The following FOCAD variants were observed in gnomAD, a reference collection of about 807,000 sequenced individuals.
The protein encoded by FOCAD is KIAA1797.
In FOCAD, 198 loss-of-function variants were observed where a neutral mutation model predicts 225.6. That is an observed-to-expected ratio of 0.88 (90% CI 0.78 to 0.99). The LOEUF is 0.99. Ranked by LOEUF, FOCAD falls within the 50% of genes least tolerant of loss-of-function variation. FOCAD has a pLI of 0.00. For missense variants in FOCAD, 2,713 were observed against 2,123.6 expected, an observed-to-expected ratio of 1.28 and a Z score of -5.46; for synonymous variants, 897 against 755.0, an observed-to-expected ratio of 1.19 and a Z score of -3.08.
At chr9:20,798,836 GTC>G (rs1324876313) in intron 11 of FOCAD, among the ~76,000 whole-genome samples, 2 of 152,000 alleles carry the variant, frequency 1.3e-5, no homozygotes, top group South Asian at 4.2e-4. Context: ...GGTTTTTTGT[GTC>G]TCTATTTCCT....
chr9:20,834,353 A>G (rs1825791808), intron 15 of FOCAD, among the ~76,000 whole-genome samples: 1 of 152,052 alleles, frequency 6.6e-6, no homozygotes, highest in Non-Finnish European at 1.5e-5. Flanking sequence ...TGTTGGGCTT[A>G]ATACCTAGGT....
At chr9:20,693,928 C>G (rs960650772) in intron 1 of FOCAD, among the ~76,000 whole-genome samples, 1 of 152,186 alleles carries the variant, frequency 6.6e-6, no homozygotes, top group African/African-American at 2.4e-5. Flanking sequence ...CCAGGCCAGT[C>G]TCGAACTCTT....
In FOCAD at chr9:20,820,922, T is replaced by A. The variant is rs370652507; in HGVS notation, c.1663-19T>A. ...ACTCAAGTTGGGAAACTACCTTTTT[T>A]GTAAAATTGCCTTCGTAGGACCGAG... On this transcript the variant is annotated intron_variant, in intron 13 of 43. Coordinates refer to ENST00000338382, the MANE Select transcript of FOCAD (RefSeq NM_001375567.1). 11 of 1,604,378 alleles carry A rather than the reference T, an allele frequency of 6.9e-6. No individual in the cohort carries two copies. In the African/African-American group the frequency reaches 1.5e-4, roughly 22 times the overall value.
intron 20 of FOCAD, among the ~76,000 whole-genome samples, chr9:20,883,198 C>T (rs555914349): frequency 6.6e-6 from 1 of 152,304 alleles, no homozygotes; most frequent in South Asian, 2.1e-4. Flanking sequence ...AGAAGTCACT[C>T]TCTTTGGAAA....
At chr9:20,692,456 C>T (rs574000770) in intron 1 of FOCAD, among the ~76,000 whole-genome samples, 37 of 152,146 alleles carry the variant, frequency 2.4e-4, no homozygotes, top group Non-Finnish European at 5.1e-4. Flanking sequence ...GCAGTAGCCT[C>T]TATATTAGTT....
chr9:20,807,561 A>G (rs925447764), intron 11 of FOCAD, among the ~76,000 whole-genome samples: 1 of 152,240 alleles, frequency 6.6e-6, no homozygotes, highest in East Asian at 1.9e-4. Context: ...TTACTGAAGT[A>G]TGTTATATAT....
intron 5 of FOCAD, among the ~76,000 whole-genome samples, chr9:20,742,883 C>T (rs1333430526): frequency 1.3e-5 from 2 of 152,102 alleles, no homozygotes; most frequent in African/African-American, 4.8e-5. Flanking sequence ...ATACGTGGCA[C>T]ATTAAGAGGT....
intron 35 of FOCAD, among the ~76,000 whole-genome samples, chr9:20,973,385 CTTT>C (rs1193012099): frequency 6.9e-6 from 1 of 144,378 alleles, no homozygotes. Context: ...CTTTCTGCAG[CTTT>C]TTTTTTTTTT....
At chr9:20,937,251 A>G (rs1836075896) in intron 28 of FOCAD, among the ~76,000 whole-genome samples, 1 of 150,708 alleles carries the variant, frequency 6.6e-6, no homozygotes, top group African/African-American at 2.4e-5. Flanking sequence ...ATGGAACCAA[A>G]AAAGAGCCCA....
chr9:20,732,450 G>C (rs1826793903), intron 4 of FOCAD, among the ~76,000 whole-genome samples: 1 of 152,208 alleles, frequency 6.6e-6, no homozygotes, highest in African/African-American at 2.4e-5. Flanking sequence ...TGGCTGTTAA[G>C]ATGGCCTGAA....
At chr9:20,700,642 G>A (rs1235961935) in intron 1 of FOCAD, among the ~76,000 whole-genome samples, 2 of 151,674 alleles carry the variant, frequency 1.3e-5, no homozygotes, top group African/African-American at 4.8e-5. Flanking sequence ...TGGACATAAA[G>A]TTGTTTAAAC....
At chr9:20,759,609 G>C (rs201517285) in intron 6 of FOCAD, among the ~76,000 whole-genome samples, 252 of 152,018 alleles carry the variant, frequency 1.7e-3, no homozygotes, top group East Asian at 6.6e-3. Flanking sequence ...CATAAAAACC[G>C]TAGAAGAAAA....
chr9:20,682,453 C>G (rs771057121), upstream of FOCAD, among the ~76,000 whole-genome samples: 2 of 152,182 alleles, frequency 1.3e-5, no homozygotes, highest in Admixed American at 6.5e-5. Flanking sequence ...ACTTGCTGTA[C>G]TTCAGGTTCC....
chr9:20,954,884 C>T (rs1398041985), intron 35 of FOCAD, among the ~76,000 whole-genome samples: 1 of 152,186 alleles, frequency 6.6e-6, no homozygotes, highest in East Asian at 1.9e-4. Flanking sequence ...CCTCCGCCTC[C>T]AAAGCCCATT....
At chr9:20,940,689 A>C (rs114586817) in intron 28 of FOCAD, among the ~76,000 whole-genome samples, 3,710 of 152,294 alleles carry the variant, frequency 0.024, 144 homozygotes, top group African/African-American at 0.082. Flanking sequence ...TCCATGTCAC[A>C]ACCTAAACAT....
Position 20,828,794 on chromosome 9 carries a change from C to T in FOCAD, c.1920+5679C>T, listed in dbSNP as rs181725335. Among the ~76,000 whole-genome samples the T allele has an allele frequency of 7.7e-4, 117 of 152,050 alleles. 1 individual carries two copies. Among genetic ancestry groups the T allele is most frequent in the Non-Finnish European group, 1.3e-3 (90 of 68,002 alleles). ...CCTAATGCTCTCTCTCCCCGCAACC[C>T]CTCCCCTGACAGTTCTTGGTATGTG... On this transcript the variant is annotated intron_variant, in intron 15 of 43. Coordinates refer to ENST00000338382, the MANE Select transcript of FOCAD (RefSeq NM_001375567.1).
intron 4 of FOCAD, among the ~76,000 whole-genome samples, chr9:20,735,852 A>AT (rs1164378183): frequency 6.6e-6 from 1 of 151,642 alleles, no homozygotes; most frequent in Admixed American, 6.6e-5. Flanking sequence ...TTAAAAAAAA[A>AT]AATAACAGCT....
At chr9:20,993,129 A>G in intron 42 of FOCAD, 124 bp from the exon 43 acceptor site, 1 of 698,402 alleles carries the variant, frequency 1.4e-6, no homozygotes, top group South Asian at 1.7e-5. Flanking sequence ...AAGAACTGTA[A>G]TCCCAGCTAC....
intron 2 of FOCAD, among the ~76,000 whole-genome samples, chr9:20,663,523 A>T (rs1008147621): frequency 2.0e-5 from 3 of 150,782 alleles, no homozygotes. Flanking sequence ...ACAGTTTATG[A>T]CTATGTTTGC....
Sources: allele counts gnomAD v4.1 joint callset (sites outside exome capture counted in the v4.1 genomes callset), GRCh38; gene constraint gnomAD v4.1.1; transcripts MANE v1.5; gene names NCBI Gene and HGNC (gene_info 2026-07-23, HGNC 2026-07-21).